The following SLCO1B3 variants were observed in gnomAD, a reference collection of about 807,000 sequenced individuals.
The protein encoded by SLCO1B3 is liver-specific organic anion transporter 2.
A neutral mutation model predicts 71.8 loss-of-function variants in SLCO1B3; 72 were observed. The observed-to-expected ratio is 1.00, with a 90% CI of 0.83 to 1.22. The LOEUF (loss-of-function observed/expected upper bound fraction) is 1.22. Among genes scored for constraint, SLCO1B3 ranks in the 50% most tolerant of loss-of-function variants. The pLI is 0.00. For missense variants in SLCO1B3, 911 were observed against 819.7 expected (o/e 1.11, Z -1.36); for synonymous variants, 298 against 278.4 (o/e 1.07, Z -0.70).
chr12:20,880,212 A>T (rs948230730), intron 11 of SLCO1B3, among the ~76,000 whole-genome samples: 1 of 151,468 alleles, frequency 6.6e-6, no homozygotes, highest in Non-Finnish European at 1.5e-5. Context: ...ATTTATAATT[A>T]TATTATAAAG....
At chr12:20,911,344 A>G (rs993909615) in intron 15 of SLCO1B3, among the ~76,000 whole-genome samples, 6 of 152,254 alleles carry the variant, frequency 3.9e-5, no homozygotes, top group South Asian at 2.1e-4. Context: ...GTCAAATTCA[A>G]TTAGCTATTT....
chr12:20,812,817 A>G (rs561437245), intron 1 of SLCO1B3, among the ~76,000 whole-genome samples: 1 of 152,296 alleles, frequency 6.6e-6, no homozygotes, highest in African/African-American at 2.4e-5. Context: ...GTTTAGTATA[A>G]AGAAAAAGAA....
At chr12:20,895,096 C>T (rs115259819) in intron 13 of SLCO1B3, among the ~76,000 whole-genome samples, 114 of 152,286 alleles carry the variant, frequency 7.5e-4, no homozygotes, top group African/African-American at 2.6e-3. Context: ...AATGATCTCC[C>T]ACTGGGTCCC....
At chr12:20,862,920 G>T in intron 8 of SLCO1B3, 66 bp downstream of exon 8, 1 of 828,504 alleles carries the variant, frequency 1.2e-6, no homozygotes, top group Admixed American at 2.2e-5. Flanking sequence ...TTCTTCCAAA[G>T]AATTAAATTC....
intron 3 of SLCO1B3, among the ~76,000 whole-genome samples, chr12:20,841,679 A>G (rs1462280110): frequency 6.6e-6 from 1 of 152,124 alleles, no homozygotes; most frequent in Non-Finnish European, 1.5e-5. Context: ...GCACTCAGAT[A>G]ATAATCATAG....
At chr12:20,856,641 C>T (rs994951574) in intron 4 of SLCO1B3, among the ~76,000 whole-genome samples, 4 of 152,300 alleles carry the variant, frequency 2.6e-5, no homozygotes, top group African/African-American at 4.8e-5. Flanking sequence ...CTCACAGCAA[C>T]CTCCACCTCC....
intron 13 of SLCO1B3, among the ~76,000 whole-genome samples, chr12:20,892,101 G>A (rs943048119): frequency 5.9e-5 from 9 of 152,056 alleles, no homozygotes; most frequent in African/African-American, 1.9e-4. Flanking sequence ...AAGAGTCATT[G>A]TGGTCCTTTG....
intron 10 of SLCO1B3, among the ~76,000 whole-genome samples, chr12:20,878,753 C>A (rs978033952): frequency 1.3e-5 from 2 of 152,094 alleles, no homozygotes; most frequent in Non-Finnish European, 2.9e-5. Context: ...GAGGAATCTT[C>A]ACCTTTAATA....
intron 3 of SLCO1B3, among the ~76,000 whole-genome samples, chr12:20,820,877 A>C (rs1021565921): frequency 6.6e-6 from 1 of 152,118 alleles, no homozygotes; most frequent in Admixed American, 6.5e-5. Context: ...AACCTTGACT[A>C]TGCCTTTGGC....
chr12:20,862,771 T>C lies in SLCO1B3; in HGVS notation c.644T>C (p.Ile215Thr). The C allele has an allele frequency of 6.2e-7, 1 of 1,610,252 alleles. No homozygotes were observed. The highest frequency in any genetic ancestry group is 1.3e-5 in the African/African-American group (1 of 74,978). The change falls in exon 8 of 16, where the codon ATA becomes ACA. Residue 215 changes from isoleucine to threonine, a missense_variant. Coordinates refer to ENST00000381545, the MANE Select transcript of SLCO1B3 (RefSeq NM_019844.4). The part of the protein sequence containing the change: ...SSLYLGSLNA[I>T]GMIGPVIGFA... Reference sequence around the variant, plus strand: ...ATACTTACAGGTAGTTTGAATGCAATAGGAATGATTGGTCCAGTCATTGGC... The same window carrying C: ...ATACTTACAGGTAGTTTGAATGCAACAGGAATGATTGGTCCAGTCATTGGC...
At chr12:20,911,214 T>A (rs1458217052) in intron 15 of SLCO1B3, among the ~76,000 whole-genome samples, 2 of 152,138 alleles carry the variant, frequency 1.3e-5, no homozygotes, top group South Asian at 2.1e-4. Context: ...ATCATGTGAT[T>A]TTTTTCTTCT....
intron 8 of SLCO1B3, among the ~76,000 whole-genome samples, chr12:20,870,590 A>G (rs11519059): frequency 0.72 from 110,070 of 151,974 alleles, 42,467 homozygotes; most frequent in South Asian, 0.9. Flanking sequence ...CAGAGAAACA[A>G]TTATTTCACT....
chr12:20,831,220 G>A (rs1353291042), intron 3 of SLCO1B3, among the ~76,000 whole-genome samples: 1 of 152,028 alleles, frequency 6.6e-6, no homozygotes, highest in African/African-American at 2.4e-5. Context: ...ATCCGGGCGT[G>A]GTGGCACGCG....
Position 20,815,833 on chromosome 12 carries a change from T to C in SLCO1B3, c.84+11T>C. The C allele has an allele frequency of 6.5e-7, 1 of 1,529,098 alleles. No individual in the cohort carries two copies. The highest frequency in any genetic ancestry group is 8.9e-7 in the Non-Finnish European group (1 of 1,129,492). 94.7% of individuals were successfully genotyped at this position (1,529,098 alleles called of 1,614,324 possible). A position where few individuals can be genotyped will look rare whatever the true frequency, so the allele number is the denominator to read the frequency against. On this transcript the variant is annotated intron_variant, in intron 3 of 15. Coordinates refer to ENST00000381545, the MANE Select transcript of SLCO1B3 (RefSeq NM_019844.4). ...TGCAATGGATTCAAGGTAGAATGGG[T>C]TTTATATTTTCAAACTAAAATAAGT... is the stretch of plus-strand genomic sequence containing the variant.
At position 20,864,137 on chromosome 12, in the gene SLCO1B3, C is replaced by CT. The variant is rs1190650705; in HGVS notation, c.727+1289dup. ...TTTAAAATTGGAAAAACTTTTCTCT[C>CT]TTTTTTATTTTTATGGTTCTCAAAG... On this transcript the variant is annotated intron_variant, in intron 8 of 15. Transcript: ENST00000381545. Among the ~76,000 whole-genome samples, 5 of 152,064 alleles carry CT rather than the reference C, an allele frequency of 3.3e-5. No individual in the cohort carries two copies. The East Asian group carries it at 9.6e-4, about 29-fold the overall frequency.
At position 20,861,091 on chromosome 12, in the gene SLCO1B3, A is replaced by G. The variant is rs146623116; in HGVS notation, c.434A>G (p.Asn145Ser). 2.4e-3 allele frequency: 3,896 copies of G among 1,603,304 alleles called. 5 individuals carry two copies. The highest frequency in any genetic ancestry group is 3.0e-3 in the Non-Finnish European group (3,572 of 1,174,110). The change falls in exon 6 of 16, where the codon AAT (asparagine) becomes AGT (serine). Residue 145 changes from asparagine (N) to serine (S), a missense_variant. Transcript: ENST00000381545. ...STSSLSTCLI[N>S]QTLSFNGTSP... Reference sequence around the variant, plus strand: ...TCAAGTTTATCAACCTGTTTAATTAATCAAACCTTATCATTCAATGGAACA... The same window carrying G: ...TCAAGTTTATCAACCTGTTTAATTAGTCAAACCTTATCATTCAATGGAACA...
intron 3 of SLCO1B3, among the ~76,000 whole-genome samples, chr12:20,839,215 A>T (rs920755135): frequency 8.9e-5 from 12 of 135,112 alleles, no homozygotes; most frequent in Admixed American, 1.5e-4. Context: ...ATTAAGAATT[A>T]AAAAAAACTT....
chr12:20,860,959 G>T, intron 5 of SLCO1B3, 58 bp from the exon 6 acceptor site: 1 of 1,478,732 alleles, frequency 6.8e-7, no homozygotes, highest in South Asian at 1.3e-5. Context: ...GTATTTCTGG[G>T]AAAACTGAAA....
Position 20,916,775 on chromosome 12 carries a change from G to T in SLCO1B3, c.*528G>T, listed in dbSNP as rs990582646. On this transcript the variant is annotated 3_prime_UTR_variant, in exon 16 of 16. Coordinates refer to ENST00000381545, the MANE Select transcript of SLCO1B3 (RefSeq NM_019844.4). ...GGATCTTCTTCCAACCTCCCATTAA[G>T]ATCCTGCAGAAGAAATAGAAATATT... 1 of 152,094 alleles carries T rather than the reference G, an allele frequency of 6.6e-6. No homozygotes were observed. 9.4% of individuals were successfully genotyped at this position (152,094 alleles called of 1,614,324 possible).
Sources: gnomAD v4.1 joint callset for allele counts (sites outside exome capture counted in the v4.1 genomes callset) on GRCh38, gnomAD v4.1.1 for gene constraint, MANE v1.5 for transcripts, NCBI Gene and HGNC (gene_info 2026-07-23, HGNC 2026-07-21) for gene names.